C9orf153: variants seen among roughly 807,000 people sequenced by gnomAD.
C9orf153 encodes uncharacterized protein C9orf153.
Under a neutral mutation model 9.0 loss-of-function variants are expected in C9orf153, and 10 were observed. The observed-to-expected ratio is 1.11, with a 90% CI of 0.69 to 1.89. The LOEUF is 1.89. Among genes scored for constraint, C9orf153 ranks in the 40% most tolerant of loss-of-function variants. The pLI is 0.00. For synonymous variants in C9orf153, 35 were observed against 37.3 expected (o/e 0.94, Z 0.23); for missense variants, 108 against 111.0 (o/e 0.97, Z 0.12).
intron 1 of C9orf153, among the ~76,000 whole-genome samples, chr9:86,245,013 G>A (rs146829190): frequency 0.015 from 2,227 of 152,186 alleles, 62 homozygotes; most frequent in African/African-American, 0.051. Context: ...TGCAACCTCC[G>A]CCTCCCAGGT....
intron 2 of C9orf153, chr9:86,228,839 G>A (rs887713701): frequency 1.5e-5 from 3 of 198,680 alleles, no homozygotes; most frequent in African/African-American, 7.0e-5. Flanking sequence ...GAAAGTAGAA[G>A]GGACTTTGGA....
At position 86,221,729 on chromosome 9, in the gene C9orf153, T is replaced by C; in HGVS notation, c.247A>G (p.Thr83Ala). Residue 83 changes from threonine to alanine, a missense_variant, in exon 4 of 4, where the codon ACA becomes GCA. Physicochemically the swap from Thr to Ala is moderately conservative, Grantham distance 58. Transcript: ENST00000339137. ...RGDLQPVIRK[T>A]IHESKGSGME... ...CCAGATCCCTTAGATTCATGAATTG[T>C]TTTCCTGAAAAGAATCATATTTTCA... 1 of 1,537,912 alleles carries C rather than the reference T, an allele frequency of 6.5e-7. No homozygotes were observed. The highest frequency in any genetic ancestry group is 8.8e-7 in the Non-Finnish European group (1 of 1,135,606).
intron 1 of C9orf153, among the ~76,000 whole-genome samples, chr9:86,230,531 C>A (rs1162716245): frequency 6.6e-6 from 1 of 152,178 alleles, no homozygotes; most frequent in African/African-American, 2.4e-5. Flanking sequence ...GAACTCCTGA[C>A]CTCAGGTGAT....
intron 1 of C9orf153, among the ~76,000 whole-genome samples, chr9:86,247,653 C>A (rs1292244334): frequency 2.0e-5 from 3 of 152,214 alleles, no homozygotes; most frequent in African/African-American, 4.8e-5. Flanking sequence ...CCACACCAGC[C>A]TGGACAACAG....
intron 1 of C9orf153, among the ~76,000 whole-genome samples, chr9:86,232,709 T>G (rs912963632): frequency 6.6e-6 from 1 of 151,980 alleles, no homozygotes; most frequent in Non-Finnish European, 1.5e-5. Context: ...GGGTGTATAT[T>G]TTATCCTCCT....
At chr9:86,249,548 CTTTTT>C (rs369850072) in intron 1 of C9orf153, among the ~76,000 whole-genome samples, 3 of 128,410 alleles carry the variant, frequency 2.3e-5, no homozygotes, top group Non-Finnish European at 3.4e-5. Flanking sequence ...CGTCTCCCAC[CTTTTT>C]TTTTTTTTTT....
chr9:86,249,528 C>T (rs887464930), intron 1 of C9orf153, among the ~76,000 whole-genome samples: 5 of 150,428 alleles, frequency 3.3e-5, no homozygotes, highest in African/African-American at 1.2e-4. Context: ...CGGTAGAGGC[C>T]AAAGGAAAAC....
At chr9:86,224,339 A>G (rs1353956544) in intron 3 of C9orf153, among the ~76,000 whole-genome samples, 1 of 152,064 alleles carries the variant, frequency 6.6e-6, no homozygotes, top group Non-Finnish European at 1.5e-5. Flanking sequence ...GTGAGCTGAG[A>G]TTGTGCCACT....
intron 1 of C9orf153, among the ~76,000 whole-genome samples, chr9:86,233,330 C>T (rs1196763200): frequency 2.6e-5 from 4 of 152,122 alleles, no homozygotes; most frequent in African/African-American, 9.7e-5. Flanking sequence ...ATTTAGCTTC[C>T]ACCTGGCTGA....
intron 1 of C9orf153, among the ~76,000 whole-genome samples, chr9:86,252,672 T>A (rs953395180): frequency 2.0e-5 from 3 of 152,230 alleles, no homozygotes; most frequent in African/African-American, 4.8e-5. Context: ...TAACATTTTT[T>A]AGTTATATTT....
At chr9:86,238,578 T>A (rs986749407) in intron 1 of C9orf153, among the ~76,000 whole-genome samples, 2 of 152,210 alleles carry the variant, frequency 1.3e-5, no homozygotes, top group South Asian at 4.1e-4. Context: ...GAGAACGACA[T>A]ACCCCAAGAG....
rs555374047 is a variant in C9orf153 at position 86,241,198 on chromosome 9, G to A, written c.-26-11569C>T. Among the ~76,000 whole-genome samples the A allele has an allele frequency of 6.6e-5, 10 of 152,134 alleles. No homozygotes were observed. The South Asian group carries it at 2.1e-3, about 32-fold the overall frequency. On this transcript the variant is annotated intron_variant, in intron 1 of 3. Coordinates refer to ENST00000339137, the MANE Select transcript of C9orf153 (RefSeq NM_001276366.4). The stretch of plus-strand genomic sequence containing the variant: ...TATACCTCTGTTCATCATGAGTGCC[G>A]CCTTATACTATTTTTACAGGAACGT...
intron 3 of C9orf153, among the ~76,000 whole-genome samples, chr9:86,225,416 TCC>T: frequency 1.3e-3 from 1 of 796 alleles, no homozygotes; most frequent in Middle Eastern, 0.5. Context: ...TCTCTCTCCT[TCC>T]TTCCTTCCTT....
Position 86,227,997 on chromosome 9 carries a change from T to G in C9orf153, c.100A>C (p.Asn34His). ...PELYACIENF[N>H]KESKKSNLLK... is the part of the protein sequence containing the mutation. ...AGATTTGATTTCTTGCTCTCCTTAT[T>G]AAAATTCTCAATACATGCATATAAT... The change falls in exon 3 of 4, where the codon AAT (asparagine) becomes CAT (histidine). Residue 34 changes from asparagine to histidine, a missense_variant. Transcript: ENST00000339137. The G allele has an allele frequency of 6.2e-7, 1 of 1,611,766 alleles. No individual in the cohort carries two copies. The highest frequency in any genetic ancestry group is 8.5e-7 in the Non-Finnish European group (1 of 1,178,932).
Position 86,221,568 on chromosome 9 carries a change from C to G in C9orf153, c.*120G>C. Reference sequence around the variant, plus strand: ...TTGAGGATAAATGACCAAAGACTTGCGAACTATAGGGGGGAAAATAACGTC... The same window carrying G: ...TTGAGGATAAATGACCAAAGACTTGGGAACTATAGGGGGGAAAATAACGTC... On this transcript the variant is annotated 3_prime_UTR_variant, in exon 4 of 4. Coordinates refer to ENST00000339137, the MANE Select transcript of C9orf153 (RefSeq NM_001276366.4). 1 of 1,364,972 alleles carries G rather than the reference C, an allele frequency of 7.3e-7. No individual in the cohort carries two copies. The allele number at this position is 1,364,972 out of a possible 1,614,324, so 84.6% of individuals were successfully genotyped here.
At chr9:86,240,707 C>CTTTTTTTTTTTTTTTTTTTTTTTT (rs367674249) in intron 1 of C9orf153, among the ~76,000 whole-genome samples, 8 of 117,010 alleles carry the variant, frequency 6.8e-5, no homozygotes, top group Non-Finnish European at 1.2e-4. Context: ...TTTTCTTTTT[C>CTTTTTTTTTTTTTTTTTTTTTTTT]TTTTTTTTTT....
chr9:86,254,472 G>A (rs759798270), intron 1 of C9orf153, among the ~76,000 whole-genome samples: 2 of 152,168 alleles, frequency 1.3e-5, no homozygotes, highest in Non-Finnish European at 2.9e-5. Context: ...CAGTCTTCAT[G>A]TCTGCTGCTG....
At chr9:86,240,016 A>C (rs1389647259) in intron 1 of C9orf153, among the ~76,000 whole-genome samples, 2 of 152,190 alleles carry the variant, frequency 1.3e-5, no homozygotes, top group East Asian at 3.8e-4. Context: ...TGGTGCACAC[A>C]AACTCGATGA....
chr9:86,259,202 A>G (rs1061946), intron 1 of C9orf153, among the ~76,000 whole-genome samples: 67,508 of 151,538 alleles, frequency 0.45, 15,212 homozygotes, highest in Middle Eastern at 0.59. Context: ...AGAGGTGCAA[A>G]GTCAGGACCA....
Sources: gnomAD v4.1 joint callset for allele counts (sites outside exome capture counted in the v4.1 genomes callset) on GRCh38, gnomAD v4.1.1 for gene constraint, MANE v1.5 for transcripts, NCBI Gene and HGNC (gene_info 2026-07-23, HGNC 2026-07-21) for gene names.